Variants in MYO18B observed in about 807,000 individuals in gnomAD.
MYO18B encodes the protein myosin XVIIIB, also known as unconventional myosin-XVIIIb.
In MYO18B, 204 loss-of-function variants were observed where a neutral mutation model predicts 273.0. The observed-to-expected ratio is 0.75, with a 90% CI of 0.67 to 0.84. The LOEUF is 0.84. MYO18B is among the 40% of genes least tolerant of loss of function. The pLI is 0.00. For missense variants in MYO18B, 3,212 were observed against 3,287.6 expected, an observed-to-expected ratio of 0.98 and a Z score of 0.56; for synonymous variants, 1,330 against 1,305.7, an observed-to-expected ratio of 1.02 and a Z score of -0.40.
rs560398727 is a variant in MYO18B at position 25,876,778 on chromosome 22, G to A, written c.4224+446G>A. 2.6e-5 allele frequency: 4 copies of A among 152,350 alleles called. 1 individual carries two copies. The South Asian group carries it at 8.3e-4, about 32-fold the overall frequency. The allele number at this position is 152,350 out of a possible 1,614,324, so 9.4% of individuals were successfully genotyped here. On this transcript the variant is annotated intron_variant, in intron 24 of 43. Transcript: ENST00000335473. ...TGTTGTTATTATTTTGCAAAAATTA[G>A]TAACTATACACACATATTTAGTTCT...
chr22:26,008,033 ATAAAT>A, intron 42 of MYO18B, among the ~76,000 whole-genome samples: 1 of 152,352 alleles, frequency 6.6e-6, no homozygotes, highest in East Asian at 1.9e-4. Context: ...TTTTAAAAAC[ATAAAT>A]TATATAATTA....
intron 22 of MYO18B, 94 bp downstream of exon 22, chr22:25,868,479 T>C: frequency 9.5e-7 from 1 of 1,053,180 alleles, no homozygotes; most frequent in Non-Finnish European, 1.4e-6. Context: ...CTATTATCTC[T>C]GTACGTCTCC....
At chr22:25,911,664 G>A (rs2092161480) in intron 33 of MYO18B, among the ~76,000 whole-genome samples, 1 of 152,220 alleles carries the variant, frequency 6.6e-6, no homozygotes, top group African/African-American at 2.4e-5. Context: ...ATATCACGCA[G>A]CATCCCTGAC....
At chr22:26,047,096 C>CACT in the MYO18B span, among the ~76,000 whole-genome samples, 1 of 151,158 alleles carries the variant, frequency 6.6e-6, no homozygotes. Flanking sequence ...TATGCGGTAT[C>CACT]ACTTCTGCCG....
intron 34 of MYO18B, among the ~76,000 whole-genome samples, chr22:25,924,684 T>C (rs529432261): frequency 9.9e-5 from 15 of 152,156 alleles, no homozygotes; most frequent in Non-Finnish European, 1.6e-4. Context: ...TGAGAAGCCA[T>C]TGGGAGGTTG....
At chr22:25,904,401 G>A (rs1380033301) in intron 31 of MYO18B, among the ~76,000 whole-genome samples, 1 of 152,120 alleles carries the variant, frequency 6.6e-6, no homozygotes, top group African/African-American at 2.4e-5. Flanking sequence ...CCTTATGTAG[G>A]GAGATCTTAG....
At chr22:25,764,046 C>A (rs1252225320) in intron 3 of MYO18B, among the ~76,000 whole-genome samples, 2 of 152,174 alleles carry the variant, frequency 1.3e-5, no homozygotes, top group Admixed American at 1.3e-4. Flanking sequence ...AGGTCCCTCT[C>A]CTGAGTCCCT....
chr22:25,763,895 G>T (rs2086415402), intron 3 of MYO18B, among the ~76,000 whole-genome samples: 1 of 152,180 alleles, frequency 6.6e-6, no homozygotes, highest in African/African-American at 2.4e-5. Flanking sequence ...TGTATAGTTG[G>T]TTCACTTTAA....
At chr22:25,927,466 A>T (rs2092437511) in intron 34 of MYO18B, among the ~76,000 whole-genome samples, 1 of 152,094 alleles carries the variant, frequency 6.6e-6, no homozygotes, top group Non-Finnish European at 1.5e-5. Flanking sequence ...CCGCCTAATA[A>T]ATTTTGGTCA....
At chr22:25,986,904 A>G (rs534848588) in intron 39 of MYO18B, among the ~76,000 whole-genome samples, 44 of 152,308 alleles carry the variant, frequency 2.9e-4, no homozygotes, top group Non-Finnish European at 5.4e-4. Flanking sequence ...ATACATGTTT[A>G]TATATATTTA....
chr22:25,843,498 G>A (rs919329805), intron 17 of MYO18B, among the ~76,000 whole-genome samples: 11 of 152,128 alleles, frequency 7.2e-5, no homozygotes, highest in African/African-American at 2.4e-4. Flanking sequence ...TCGAGTGTAC[G>A]GATGATGTTT....
At chr22:25,864,360 G>A (rs371554474) in intron 21 of MYO18B, among the ~76,000 whole-genome samples, 2 of 152,172 alleles carry the variant, frequency 1.3e-5, no homozygotes, top group African/African-American at 2.4e-5. Context: ...TGTTTTGGGG[G>A]GAGGGGAGAG....
At position 25,868,353 on chromosome 22, in the gene MYO18B, G is replaced by A. The variant is rs755173708; in HGVS notation, c.3919G>A (p.Glu1307Lys). ...VEELLETLDL[E>K]KKAVAVGHSQ... ...GGAGCTCCTGGAGACCCTGGATCTG[G>A]AAAAGAAGGCGGTGGCTGTGGGGCA... Residue 1307 changes from glutamate to lysine, a missense_variant, in exon 22 of 44, where the codon GAA becomes AAA. Coordinates refer to ENST00000335473, the MANE Select transcript of MYO18B (RefSeq NM_032608.7). 8 of 1,603,966 alleles carry A rather than the reference G, an allele frequency of 5.0e-6. No homozygotes were observed. In the African/African-American group the frequency reaches 8.0e-5, roughly 16 times the overall value.
rs533679369 is a variant in MYO18B at position 25,811,973 on chromosome 22, A to T, written c.2522-11532A>T. Among the ~76,000 whole-genome samples, 33 of 152,236 alleles carry T rather than the reference A, an allele frequency of 2.2e-4. 1 individual carries two copies. In the South Asian group the frequency reaches 6.8e-3, roughly 32 times the overall value. On this transcript the variant is annotated intron_variant, in intron 12 of 43. Transcript: ENST00000335473. Reference sequence around the variant, plus strand: ...AGGTTGACTCATTTAGCCCTCACAAATCTATGGGGTAAATACTATGAGGTT... The same window carrying T: ...AGGTTGACTCATTTAGCCCTCACAATTCTATGGGGTAAATACTATGAGGTT...
In MYO18B at chr22:25,851,452, C is replaced by G. The variant is rs574674338; in HGVS notation, c.3776-18C>G. 2.6e-6 allele frequency: 4 copies of G among 1,528,386 alleles called. No individual in the cohort carries two copies. The East Asian group carries it at 9.8e-5, about 37-fold the overall frequency. 94.7% of individuals were successfully genotyped at this position (1,528,386 alleles called of 1,614,324 possible). A position where few individuals can be genotyped will look rare whatever the true frequency, so the allele number is the denominator to read the frequency against. ...TCTGGACTCTGTGCTCTTCTCCTGC[C>G]TGCTCCTACCTCCCTAGGCTATGCT... On this transcript the variant is annotated intron_variant, in intron 20 of 43. Transcript: ENST00000335473.
At chr22:25,908,184 G>A in intron 31 of MYO18B, 138 bp from the exon 32 acceptor site, 1 of 660,176 alleles carries the variant, frequency 1.5e-6, no homozygotes, top group Non-Finnish European at 2.7e-6. Flanking sequence ...TGATCTTCCA[G>A]GATGCCTAGG....
At chr22:25,890,703 G>T (rs1569157133) in intron 25 of MYO18B, 53 bp from the exon 26 acceptor site, 3 of 1,602,550 alleles carry the variant, frequency 1.9e-6, no homozygotes, top group South Asian at 1.1e-5. Context: ...GGAGAGAAGG[G>T]TTGGTGGCTC....
the MYO18B span, among the ~76,000 whole-genome samples, chr22:26,059,226 A>T: frequency 6.6e-6 from 1 of 152,284 alleles, no homozygotes; most frequent in Non-Finnish European, 1.5e-5. Context: ...AGTCTATGTC[A>T]TCTTGCTTGT....
chr22:25,935,988 C>G (rs2092572581), intron 34 of MYO18B, among the ~76,000 whole-genome samples: 1 of 152,192 alleles, frequency 6.6e-6, no homozygotes, highest in Non-Finnish European at 1.5e-5. Context: ...GCCTCAGTCT[C>G]TCAGTACACG....
Sources: allele counts gnomAD v4.1 joint callset (sites outside exome capture counted in the v4.1 genomes callset), GRCh38; gene constraint gnomAD v4.1.1; transcripts MANE v1.5; gene names NCBI Gene and HGNC (gene_info 2026-07-23, HGNC 2026-07-21).